The following ZRANB3 variants were observed in gnomAD, a reference collection of about 807,000 sequenced individuals.
The protein encoded by ZRANB3 is zinc finger RANBP2-type containing 3, also known as DNA annealing helicase and endonuclease ZRANB3.
ZRANB3 carries 125 observed loss-of-function variants against 133.8 expected under a neutral mutation model. The observed-to-expected ratio is 0.93, with a 90% CI of 0.81 to 1.08. The LOEUF (loss-of-function observed/expected upper bound fraction) is 1.08, where lower values mean the gene tolerates loss of function less well. Among genes scored for constraint, ZRANB3 ranks in the 50% least tolerant of loss-of-function variants. The pLI, the probability that ZRANB3 is intolerant of heterozygous loss-of-function variation, is 0.00. For synonymous variants in ZRANB3, 387 were observed against 432.7 expected (o/e 0.89, Z 1.31); for missense variants, 1,229 against 1,275.5 (o/e 0.96, Z 0.56).
chr2:135,386,341 A>C (rs1686971035), intron 3 of ZRANB3, among the ~76,000 whole-genome samples: 1 of 152,226 alleles, frequency 6.6e-6, no homozygotes, highest in East Asian at 1.9e-4. Context: ...GTCAGGAAAC[A>C]ACACATGCTG....
chr2:135,447,914 T>C lies in ZRANB3; in HGVS notation c.161+56415A>G, dbSNP rs556670319. Among the ~76,000 whole-genome samples, 5 of 152,272 alleles carry C rather than the reference T, an allele frequency of 3.3e-5. No individual in the cohort carries two copies. In the South Asian group the frequency reaches 1.0e-3, roughly 32 times the overall value. ...TTCTACCATTTTGTACCAGAAGCCA[T>C]ATTCTTTTTATTTTACTGAAATGTA... On this transcript the variant is annotated intron_variant, in intron 2 of 20. Transcript: ENST00000264159.
intron 2 of ZRANB3, among the ~76,000 whole-genome samples, chr2:135,415,359 G>A (rs1411554001): frequency 6.6e-6 from 1 of 152,070 alleles, no homozygotes; most frequent in Non-Finnish European, 1.5e-5. Context: ...AAATCTAGAA[G>A]AAATGGATAA....
chr2:135,472,512 A>AC (rs530272334), intron 2 of ZRANB3, among the ~76,000 whole-genome samples: 2,233 of 150,248 alleles, frequency 0.015, 51 homozygotes, highest in African/African-American at 0.049. Context: ...AAAAAAAAAA[A>AC]AAAAAAAACT....
chr2:135,404,095 G>A (rs1687883036), intron 2 of ZRANB3, among the ~76,000 whole-genome samples: 1 of 152,182 alleles, frequency 6.6e-6, no homozygotes, highest in African/African-American at 2.4e-5. Flanking sequence ...GAACAAAGCT[G>A]GATGCAGAAC....
At chr2:135,355,335 C>A in intron 3 of ZRANB3, 2 of 765,656 alleles carry the variant, frequency 2.6e-6, no homozygotes, top group Non-Finnish European at 3.2e-6. Context: ...GGTTCCAATA[C>A]AGCAGAACTT....
At position 135,275,673 on chromosome 2, in the gene ZRANB3, A is replaced by T; in HGVS notation, c.1049T>A (p.Met350Lys). 3 of 1,607,146 alleles carry T rather than the reference A, an allele frequency of 1.9e-6. No individual in the cohort carries two copies. Among genetic ancestry groups the T allele is most frequent in the Non-Finnish European group, 2.6e-6 (3 of 1,176,354 alleles). ...GACTGCTTCTGTGCAAGCTTGGAGC[A>T]TGCTTAAATGGTGAGCAAAAACCAG... The part of the protein sequence containing the change: ...KFLVFAHHLS[M>K]LQACTEAVIE... The change falls in exon 9 of 21, where the codon ATG (methionine) becomes AAG (lysine). Residue 350 changes from methionine (M) to lysine (K), a missense_variant. Physicochemically the swap from Met to Lys is moderately conservative, Grantham distance 95. Transcript: ENST00000264159.
At chr2:135,379,926 C>T (rs1558955701) in intron 3 of ZRANB3, among the ~76,000 whole-genome samples, 2 of 151,928 alleles carry the variant, frequency 1.3e-5, no homozygotes, top group East Asian at 3.9e-4. Flanking sequence ...ATCTGATGTG[C>T]AAAGACACAC....
At chr2:135,476,202 T>C (rs917429459) in intron 2 of ZRANB3, among the ~76,000 whole-genome samples, 2 of 152,188 alleles carry the variant, frequency 1.3e-5, no homozygotes, top group Non-Finnish European at 2.9e-5. Context: ...ACAAACGGCA[T>C]GAAAACACTT....
intron 2 of ZRANB3, among the ~76,000 whole-genome samples, chr2:135,396,982 G>C (rs182225462): frequency 6.6e-6 from 1 of 151,936 alleles, no homozygotes. Context: ...AAAAATATTA[G>C]CCAGGTGTGT....
intron 2 of ZRANB3, among the ~76,000 whole-genome samples, chr2:135,428,426 C>CAAA (rs34645774): frequency 2.7e-5 from 2 of 75,254 alleles, no homozygotes. Context: ...ACTTTGTTTC[C>CAAA]AAAAAAAAAA....
At position 135,353,431 on chromosome 2, in the gene ZRANB3, AT is replaced by A. The variant is rs772354037; in HGVS notation, c.359+18del. On this transcript the variant is annotated intron_variant, in intron 4 of 20. Coordinates refer to ENST00000264159, the MANE Select transcript of ZRANB3 (RefSeq NM_032143.4). ...ACAAGGAAGACTTTTCTCCTTAAAT[AT>A]TAAACAGTTGTTCTTACCTAACATC... The A allele has an allele frequency of 6.5e-7, 1 of 1,533,368 alleles. No homozygotes were observed. The highest frequency in any genetic ancestry group is 8.8e-7 in the Non-Finnish European group (1 of 1,140,794). 95.0% of individuals were successfully genotyped at this position (1,533,368 alleles called of 1,614,324 possible).
At chr2:135,291,225 G>A (rs1240308012) in intron 8 of ZRANB3, among the ~76,000 whole-genome samples, 1 of 151,522 alleles carries the variant, frequency 6.6e-6, no homozygotes, top group African/African-American at 2.4e-5. Context: ...GTCACCCAGG[G>A]TGGAGTGAGT....
At position 135,263,165 on chromosome 2, in the gene ZRANB3, G is replaced by A. The variant is rs533152924; in HGVS notation, c.1539+2369C>T. Among the ~76,000 whole-genome samples, 10 of 152,176 alleles carry A rather than the reference G, an allele frequency of 6.6e-5. No homozygotes were observed. The South Asian group carries it at 2.1e-3, about 32-fold the overall frequency. On this transcript the variant is annotated intron_variant, in intron 12 of 20. Coordinates refer to ENST00000264159, the MANE Select transcript of ZRANB3 (RefSeq NM_032143.4). ...TTTGATATGTATTCTTCCAATGTGT[G>A]TTTATGTTTTACTATATATATGTAC...
At chr2:135,414,680 C>T (rs1176543756) in intron 2 of ZRANB3, among the ~76,000 whole-genome samples, 5 of 152,050 alleles carry the variant, frequency 3.3e-5, no homozygotes, top group African/African-American at 1.2e-4. Context: ...CACACCTATT[C>T]CAAAATTGAC....
intron 1 of ZRANB3, among the ~76,000 whole-genome samples, chr2:135,506,961 C>G (rs1366377950): frequency 6.6e-6 from 1 of 152,142 alleles, no homozygotes; most frequent in Non-Finnish European, 1.5e-5. Context: ...CTCTCACCAC[C>G]ACCACCCCCA....
chr2:135,403,483 A>G (rs1687844522), intron 2 of ZRANB3, among the ~76,000 whole-genome samples: 1 of 152,230 alleles, frequency 6.6e-6, no homozygotes, highest in Admixed American at 6.5e-5. Context: ...AGCCCACTGC[A>G]GCTCAAGGAG....
intron 6 of ZRANB3, among the ~76,000 whole-genome samples, chr2:135,332,875 C>G (rs1684213934): frequency 6.6e-6 from 1 of 152,130 alleles, no homozygotes; most frequent in South Asian, 2.1e-4. Context: ...TGAGTTCATA[C>G]ATTACCTTTG....
intron 1 of ZRANB3, among the ~76,000 whole-genome samples, chr2:135,527,578 A>C (rs1368467569): frequency 6.6e-6 from 1 of 152,194 alleles, no homozygotes; most frequent in Non-Finnish European, 1.5e-5. Flanking sequence ...AAGATGGTTA[A>C]GATGATATAT....
chr2:135,405,797 A>G (rs1468813024), intron 2 of ZRANB3, among the ~76,000 whole-genome samples: 1 of 152,232 alleles, frequency 6.6e-6, no homozygotes, highest in East Asian at 1.9e-4. Context: ...AACACACCAG[A>G]ATCTCTGGGA....
Sources: allele counts gnomAD v4.1 joint callset (sites outside exome capture counted in the v4.1 genomes callset), GRCh38; gene constraint gnomAD v4.1.1; transcripts MANE v1.5; gene names NCBI Gene and HGNC (gene_info 2026-07-23, HGNC 2026-07-21).